SMAD6: variants seen among roughly 807,000 people sequenced by gnomAD.
SMAD6 encodes the protein SMAD family member 6, also known as MAD homolog 6.
SMAD6 carries 103 observed loss-of-function variants against 39.4 expected under a neutral mutation model. The observed-to-expected ratio is 2.62, with a 90% confidence interval of 2.23 to 3.08. The LOEUF (loss-of-function observed/expected upper bound fraction) is 3.08, where lower values mean the gene tolerates loss of function less well. SMAD6 is among the 30% of genes most tolerant of loss of function. The pLI is 0.00. For missense variants in SMAD6, 1,104 were observed against 742.9 expected (o/e 1.49, Z -5.65); for synonymous variants, 445 against 353.3 (o/e 1.26, Z -2.91).
chr15:66,778,478 A>T (rs1294640011), intron 3 of SMAD6, among the ~76,000 whole-genome samples: 4 of 152,132 alleles, frequency 2.6e-5, no homozygotes, highest in African/African-American at 9.7e-5. Context: ...GTGGCTGGGC[A>T]GCTGTCTCAG....
chr15:66,737,149 G>A (rs922275531), intron 3 of SMAD6, among the ~76,000 whole-genome samples: 2 of 152,176 alleles, frequency 1.3e-5, no homozygotes, highest in African/African-American at 4.8e-5. Context: ...CATCCTCCCC[G>A]GGTCCCTGCC....
At chr15:66,726,339 A>T (rs959178311) in intron 3 of SMAD6, among the ~76,000 whole-genome samples, 2 of 152,166 alleles carry the variant, frequency 1.3e-5, no homozygotes, top group Non-Finnish European at 2.9e-5. Context: ...GGTTCAAAAT[A>T]AAACAGGACA....
intron 3 of SMAD6, among the ~76,000 whole-genome samples, chr15:66,772,246 A>T (rs1388502072): frequency 6.6e-6 from 1 of 152,378 alleles, no homozygotes; most frequent in East Asian, 1.9e-4. Flanking sequence ...CCAATTCTGC[A>T]GCTTCCTGGC....
At chr15:66,780,360 ACTC>A (rs1248541855) in intron 3 of SMAD6, among the ~76,000 whole-genome samples, 3 of 150,976 alleles carry the variant, frequency 2.0e-5, no homozygotes, top group African/African-American at 7.3e-5. Flanking sequence ...CCTGGGGGCA[ACTC>A]CTCCCACCCC....
At position 66,703,789 on chromosome 15, in the gene SMAD6, C is replaced by A. The variant is rs760571406; in HGVS notation, c.531C>A (p.Tyr177Ter). The A allele has an allele frequency of 1.4e-6, 2 of 1,441,654 alleles. No homozygotes were observed. The highest frequency in any genetic ancestry group is 1.4e-5 in the South Asian group (1 of 73,324). The allele number at this position is 1,441,654 out of a possible 1,614,324, so 89.3% of individuals were successfully genotyped here. The change falls in exon 1 of 4, where the codon TAC (tyrosine) becomes TAA (stop). Residue 177 changes from tyrosine (Y) to a stop codon, truncating the protein, a stop_gained. Transcript: ENST00000288840. LOFTEE classifies it high-confidence loss of function. ...AGCAGGAACTCAAAACCGTCACGTA[C>A]TCGCTGCTGAAGCGGCTCAAGGAGC... ...LLEQELKTVT[Y>*]SLLKRLKERS... is the part of the protein sequence containing the mutation.
rs1425750016 is a variant in SMAD6, at chr15:66,702,538, T to G, written c.-721T>G. ...GTGGACTGCATTTTTAATTAAGGAT[T>G]CCCAGCAGCTCTTTGGGATTTTTAC... On this transcript the variant is annotated 5_prime_UTR_variant, in exon 1 of 4. It adds an upstream start codon to the 5' untranslated region. Coordinates refer to ENST00000288840, the MANE Select transcript of SMAD6 (RefSeq NM_005585.5). 1 of 152,518 alleles carries G rather than the reference T, an allele frequency of 6.6e-6. No homozygotes were observed. The highest frequency in any genetic ancestry group is 1.5e-5 in the Non-Finnish European group (1 of 68,010). 9.4% of individuals were successfully genotyped at this position (152,518 alleles called of 1,614,324 possible).
chr15:66,780,872 G>A, intron 3 of SMAD6, 125 bp from the exon 4 acceptor site: 1 of 917,234 alleles, frequency 1.1e-6, no homozygotes, highest in Non-Finnish European at 1.6e-6. Context: ...GTGCCCACAT[G>A]ACTGCTGAAT....
chr15:66,711,537 G>A, intron 1 of SMAD6, 131 bp from the exon 2 acceptor site: 3 of 745,128 alleles, frequency 4.0e-6, no homozygotes, highest in East Asian at 2.5e-5. Context: ...GGGCAGCAGA[G>A]GAGGTGGGAC....
chr15:66,768,210 G>A (rs1299917068), intron 3 of SMAD6, among the ~76,000 whole-genome samples: 1 of 152,048 alleles, frequency 6.6e-6, no homozygotes, highest in Non-Finnish European at 1.5e-5. Context: ...GGGCGCAAGT[G>A]AACCTCTCAC....
intron 3 of SMAD6, among the ~76,000 whole-genome samples, chr15:66,727,104 T>C (rs1337526528): frequency 3.0e-5 from 1 of 33,552 alleles, no homozygotes; most frequent in African/African-American, 1.7e-4. Flanking sequence ...TTCTTCTTCT[T>C]TTTTTTTTTT....
At chr15:66,773,250 C>T (rs1293853705) in intron 3 of SMAD6, among the ~76,000 whole-genome samples, 1 of 152,118 alleles carries the variant, frequency 6.6e-6, no homozygotes, top group African/African-American at 2.4e-5. Context: ...TAAGAGGAAA[C>T]TCCTGTCAGC....
intron 3 of SMAD6, among the ~76,000 whole-genome samples, chr15:66,761,351 C>A (rs1208502131): frequency 6.6e-6 from 1 of 152,202 alleles, no homozygotes; most frequent in Non-Finnish European, 1.5e-5. Flanking sequence ...ACAATGTTAT[C>A]TTCAGAATAG....
At chr15:66,774,243 C>A (rs887863060) in intron 3 of SMAD6, among the ~76,000 whole-genome samples, 1 of 152,188 alleles carries the variant, frequency 6.6e-6, no homozygotes, top group East Asian at 1.9e-4. Context: ...CACACAGGAA[C>A]GTTCCTGCCC....
chr15:66,742,442 T>C (rs1488736301), intron 3 of SMAD6, among the ~76,000 whole-genome samples: 4 of 152,080 alleles, frequency 2.6e-5, no homozygotes, highest in African/African-American at 4.8e-5. Flanking sequence ...AGGGATGGGC[T>C]TCTTCCCAGT....
At chr15:66,726,640 G>C (rs986763659) in intron 3 of SMAD6, among the ~76,000 whole-genome samples, 5 of 152,240 alleles carry the variant, frequency 3.3e-5, no homozygotes, top group African/African-American at 1.2e-4. Flanking sequence ...TGAGTCTAAA[G>C]GTAGCACCAC....
At chr15:66,732,917 TA>T (rs1893655037) in intron 3 of SMAD6, among the ~76,000 whole-genome samples, 1 of 152,108 alleles carries the variant, frequency 6.6e-6, no homozygotes, top group Non-Finnish European at 1.5e-5. Flanking sequence ...ATTTTTTTTT[TA>T]TGTTTTCTTC....
rs531892909 is a variant in SMAD6, at chr15:66,704,123, C to T, written c.817+48C>T. 171 of 1,325,274 alleles carry T rather than the reference C, an allele frequency of 1.3e-4. No individual in the cohort carries two copies. The African/African-American group carries it at 2.4e-3, about 19-fold the overall frequency. The allele number at this position is 1,325,274 out of a possible 1,614,324, so 82.1% of individuals were successfully genotyped here. ...GGGGGCCCCGGGTCCCCGTCCCCAT[C>T]CCCTTCCGTGCCCTTCTCTCTGTGA... is the stretch of plus-strand genomic sequence containing the variant. On this transcript the variant is annotated intron_variant, in intron 1 of 3. Transcript: ENST00000288840.
At chr15:66,749,122 C>G (rs1016845612) in intron 3 of SMAD6, among the ~76,000 whole-genome samples, 2 of 152,042 alleles carry the variant, frequency 1.3e-5, no homozygotes, top group African/African-American at 4.8e-5. Context: ...CACAGGAGTT[C>G]AAGACTAGCC....
Position 66,781,055 on chromosome 15 carries a change from G to T in SMAD6, c.1011G>T (p.Trp337Cys). 6.2e-7 allele frequency: 1 copy of T among 1,602,932 alleles called. No individual in the cohort carries two copies. Among genetic ancestry groups the T allele is most frequent in the Non-Finnish European group, 8.5e-7 (1 of 1,178,378 alleles). Reference sequence around the variant, plus strand: ...GCCACTGGTGCAGCGTGGCGTACTGGGAGCACCGGACGCGCGTGGGCCGCC... The same window carrying T: ...GCCACTGGTGCAGCGTGGCGTACTGTGAGCACCGGACGCGCGTGGGCCGCC... ...KPSHWCSVAY[W>C]EHRTRVGRLY... Residue 337 changes from tryptophan (W) to cysteine (C), a missense_variant, in exon 4 of 4, where the codon TGG becomes TGT. Transcript: ENST00000288840.
Sources: gnomAD v4.1 joint callset for allele counts (sites outside exome capture counted in the v4.1 genomes callset) on GRCh38, gnomAD v4.1.1 for gene constraint, MANE v1.5 for transcripts, NCBI Gene and HGNC (gene_info 2026-07-23, HGNC 2026-07-21) for gene names.